The following KLHL29 variants were observed in gnomAD, a reference collection of about 807,000 sequenced individuals.
The protein encoded by KLHL29 is kelch-like protein 29.
In KLHL29, 21 loss-of-function variants were observed where a neutral mutation model predicts 80.4. That is an observed-to-expected ratio of 0.26 (90% CI 0.19 to 0.38). The LOEUF (loss-of-function observed/expected upper bound fraction) is 0.38. Among genes scored for constraint, KLHL29 ranks in the 10% least tolerant of loss-of-function variants. KLHL29 has a pLI of 1.00. For missense variants in KLHL29, 867 were observed against 1,223.9 expected (o/e 0.71, Z 4.35); for synonymous variants, 511 against 526.8 (o/e 0.97, Z 0.41).
chr2:23,628,538 G>A (rs1386306361), intron 3 of KLHL29, among the ~76,000 whole-genome samples: 1 of 152,196 alleles, frequency 6.6e-6, no homozygotes, highest in Non-Finnish European at 1.5e-5. Context: ...TGTAATCCCA[G>A]TGTTTTGGGA....
chr2:23,694,144 T>C (rs543474386), intron 8 of KLHL29, among the ~76,000 whole-genome samples: 1 of 152,320 alleles, frequency 6.6e-6, no homozygotes, highest in South Asian at 2.1e-4. Flanking sequence ...TCCAGACCCC[T>C]CTGCTCAGTG....
intron 2 of KLHL29, chr2:23,524,359 G>T: frequency 4.8e-5 from 9 of 187,688 alleles, no homozygotes; most frequent in South Asian, 3.1e-4. Context: ...GGAAGTAGCA[G>T]GCCAGGAAAT....
At chr2:23,691,915 G>C (rs1488601453) in intron 7 of KLHL29, 39 bp downstream of exon 7, 3 of 1,530,904 alleles carry the variant, frequency 2.0e-6, no homozygotes, top group Non-Finnish European at 2.6e-6. Context: ...GGGGGGAAGA[G>C]TGCAGATGGG....
chr2:23,572,431 T>C (rs915485938), intron 3 of KLHL29, among the ~76,000 whole-genome samples: 3 of 152,268 alleles, frequency 2.0e-5, no homozygotes, highest in Non-Finnish European at 4.4e-5. Context: ...CCTATTATAA[T>C]ACATGAATAT....
intron 3 of KLHL29, among the ~76,000 whole-genome samples, chr2:23,621,196 A>AGCG (rs945673123): frequency 1.3e-5 from 2 of 152,014 alleles, no homozygotes; most frequent in African/African-American, 4.8e-5. Flanking sequence ...CAGCAGCAGC[A>AGCG]GCTGAGGAAC....
Position 23,457,900 on chromosome 2 carries a change from C to T in KLHL29, c.-153-17660C>T, listed in dbSNP as rs1193929012. ...TGGTGGCGGGCACCTGTAATCCCAG[C>T]TACTCGGGAGGTTGAGGCAGGAGAA... is the stretch of plus-strand genomic sequence containing the variant. On this transcript the variant is annotated intron_variant, in intron 1 of 13. Coordinates refer to ENST00000486442, the MANE Select transcript of KLHL29 (RefSeq NM_052920.2). The surrounding 1 kb of genome is among the most constrained non-coding windows in gnomAD (Gnocchi z 4.3). 6.6e-6 allele frequency among the ~76,000 whole-genome samples: 1 copy of T among 152,134 alleles called. No individual in the cohort carries two copies. The highest frequency in any genetic ancestry group is 1.5e-5 in the Non-Finnish European group (1 of 68,034).
chr2:23,580,115 A>G (rs1237114565), intron 3 of KLHL29, among the ~76,000 whole-genome samples: 2 of 152,232 alleles, frequency 1.3e-5, no homozygotes, highest in African/African-American at 2.4e-5. Context: ...TCACGCCTGT[A>G]ATCCCAGCAC....
Position 23,642,708 on chromosome 2 carries a change from G to T in KLHL29, c.798G>T (p.Pro266=). ...HMAGPLLPPP[P]PAQPSATLPS... ...CAGGGCCCCTGCTGCCTCCACCGCC[G>T]CCAGCCCAGCCGTCCGCCACTCTCC... The change falls in exon 5 of 14, where the codon CCG becomes CCT. Residue 266 remains proline, a synonymous_variant. Coordinates refer to ENST00000486442, the MANE Select transcript of KLHL29 (RefSeq NM_052920.2). 1 of 1,548,296 alleles carries T rather than the reference G, an allele frequency of 6.5e-7. No homozygotes were observed. Among genetic ancestry groups the T allele is most frequent in the African/African-American group, 1.4e-5 (1 of 73,094 alleles).
At chr2:23,393,782 C>T (rs1365807452) in intron 1 of KLHL29, among the ~76,000 whole-genome samples, 5 of 152,170 alleles carry the variant, frequency 3.3e-5, no homozygotes, top group African/African-American at 7.2e-5. Flanking sequence ...TTGAGAAAGA[C>T]GTGGTTGCAG....
chr2:23,570,759 G>C (rs774692648), intron 3 of KLHL29, among the ~76,000 whole-genome samples: 20 of 152,220 alleles, frequency 1.3e-4, no homozygotes, highest in Non-Finnish European at 2.5e-4. Context: ...AATCCTGCTG[G>C]GGTGTCCCAA....
At chr2:23,603,115 C>A (rs1258716740) in intron 3 of KLHL29, among the ~76,000 whole-genome samples, 2 of 152,060 alleles carry the variant, frequency 1.3e-5, no homozygotes, top group Non-Finnish European at 2.9e-5. Flanking sequence ...AGGGAAGTGA[C>A]CCCCCACCCC....
Position 23,402,026 on chromosome 2 carries a change from C to T in KLHL29, c.-154+16246C>T, listed in dbSNP as rs536324123. On this transcript the variant is annotated intron_variant, in intron 1 of 13. Transcript: ENST00000486442. ...TAAGGATCTAGGCCAGTGCTGGGCA[C>T]ATTTTGCACTTTCAACAGTCGAGGG... Among the ~76,000 whole-genome samples, 14 of 152,334 alleles carry T rather than the reference C, an allele frequency of 9.2e-5. No individual in the cohort carries two copies. The South Asian group carries it at 2.9e-3, about 32-fold the overall frequency.
chr2:23,406,650 G>A (rs1045809823), intron 1 of KLHL29, among the ~76,000 whole-genome samples: 3 of 151,768 alleles, frequency 2.0e-5, no homozygotes, highest in African/African-American at 7.3e-5. Context: ...TCACAATTTC[G>A]GTATCACACA....
chr2:23,620,057 G>A (rs535145405), intron 3 of KLHL29, among the ~76,000 whole-genome samples: 5 of 152,278 alleles, frequency 3.3e-5, no homozygotes, highest in East Asian at 1.9e-4. Flanking sequence ...AGGCTTCTCC[G>A]AGGGGAGGCC....
At chr2:23,621,655 C>A (rs959601520) in intron 3 of KLHL29, among the ~76,000 whole-genome samples, 6 of 151,958 alleles carry the variant, frequency 3.9e-5, no homozygotes, top group Non-Finnish European at 7.4e-5. Flanking sequence ...ATGGAGATGC[C>A]GAGCCCCCAG....
rs1331038010 is a variant in KLHL29, at chr2:23,703,767, T to C, written c.2348T>C (p.Leu783Pro). The C allele has an allele frequency of 6.5e-7, 1 of 1,537,338 alleles. No individual in the cohort carries two copies. Among genetic ancestry groups the C allele is most frequent in the Middle Eastern group, 1.7e-4 (1 of 5,988 alleles). ...AVTLNGFVFILGGAYARATTI... is the reference protein window; with the variant it reads ...AVTLNGFVFIPGGAYARATTI... ...ACGCTCAATGGCTTCGTTTTCATCC[T>C]GGGCGGGGCTTATGCCAGAGCTACC... Residue 783 changes from leucine (L) to proline (P), a missense_variant, in exon 13 of 14, where the codon CTG (leucine) becomes CCG (proline). Around this residue, in one of 2 missense-constraint regions of KLHL29, gnomAD observed 443 missense variants for 767.0 expected, o/e 0.58. Coordinates refer to ENST00000486442, the MANE Select transcript of KLHL29 (RefSeq NM_052920.2).
chr2:23,523,597 G>T lies in KLHL29; in HGVS notation c.-45-38555G>T, dbSNP rs372600815. Reference sequence around the variant, plus strand: ...TTTTTCCTCGCCTTGGCTTCACGTAGTGAGTCTCCTATTTGGGTGGACATG... The same window carrying T: ...TTTTTCCTCGCCTTGGCTTCACGTATTGAGTCTCCTATTTGGGTGGACATG... On this transcript the variant is annotated intron_variant, in intron 2 of 13. Coordinates refer to ENST00000486442, the MANE Select transcript of KLHL29 (RefSeq NM_052920.2). 2.6e-5 allele frequency among the ~76,000 whole-genome samples: 4 copies of T among 152,170 alleles called. No individual in the cohort carries two copies. In the East Asian group the frequency reaches 7.7e-4, roughly 29 times the overall value.
intron 3 of KLHL29, among the ~76,000 whole-genome samples, chr2:23,577,188 G>T (rs189935041): frequency 6.6e-6 from 1 of 152,250 alleles, no homozygotes; most frequent in Non-Finnish European, 1.5e-5. Flanking sequence ...AGTCGCTCAC[G>T]CCTATAATCC....
intron 1 of KLHL29, among the ~76,000 whole-genome samples, chr2:23,443,462 C>T (rs577685637): frequency 6.6e-6 from 1 of 152,328 alleles, no homozygotes; most frequent in East Asian, 1.9e-4. Flanking sequence ...TATTGTCCCT[C>T]TAGTCTCTTA....
Sources: allele counts gnomAD v4.1 joint callset (sites outside exome capture counted in the v4.1 genomes callset), GRCh38; gene constraint gnomAD v4.1.1; regional missense constraint gnomAD v4.1.1; non-coding constraint Gnocchi (gnomAD v3.1); transcripts MANE v1.5; gene names NCBI Gene and HGNC (gene_info 2026-07-23, HGNC 2026-07-21).